Variants in ATP2B2 observed in about 807,000 individuals in gnomAD.
ATP2B2 encodes plasma membrane calcium-transporting ATPase 2.
A neutral mutation model predicts 120.0 loss-of-function variants in ATP2B2; 15 were observed. The ratio of observed to expected loss-of-function variants is 0.12; its 90% confidence interval spans 0.08 to 0.19. ATP2B2 has a LOEUF of 0.19. ATP2B2 is among the 10% of genes least tolerant of loss of function. The pLI, the probability that ATP2B2 is intolerant of heterozygous loss-of-function variation, is 1.00. For synonymous variants in ATP2B2, 694 were observed against 700.3 expected, an observed-to-expected ratio of 0.99 and a Z score of 0.14; for missense variants, 1,045 against 1,719.8, an observed-to-expected ratio of 0.61 and a Z score of 6.94.
intron 1 of ATP2B2, among the ~76,000 whole-genome samples, chr3:10,478,907 T>C (rs1184135404): frequency 6.6e-6 from 1 of 152,152 alleles, no homozygotes; most frequent in African/African-American, 2.4e-5. Flanking sequence ...TCCATGCTAT[T>C]CTCATGATAG....
chr3:10,350,537 G>T lies in ATP2B2; in HGVS notation c.2177C>A (p.Thr726Lys), dbSNP rs748582045. Residue 726 changes from threonine to lysine, a missense_variant, in exon 15 of 23, where the codon ACG becomes AAG. Transcript: ENST00000360273. ...ATTGTCGCCAGTGACCATGCGGACC[G>T]TGATGCCTGCCCGCTGGCACTTGCG... ...AIRKCQRAGI[T>K]VRMVTGDNIN... 1 of 1,613,968 alleles carries T rather than the reference G, an allele frequency of 6.2e-7. No individual in the cohort carries two copies. The highest frequency in any genetic ancestry group is 8.5e-7 in the Non-Finnish European group (1 of 1,180,036).
At chr3:10,496,850 A>G (rs2066171695) in intron 1 of ATP2B2, among the ~76,000 whole-genome samples, 1 of 149,834 alleles carries the variant, frequency 6.7e-6, no homozygotes, top group Non-Finnish European at 1.5e-5. Context: ...AGTGCTTGTC[A>G]TGGCTGGCTG....
intron 2 of ATP2B2, among the ~76,000 whole-genome samples, chr3:10,419,998 G>A (rs555546062): frequency 3.3e-4 from 51 of 152,328 alleles, no homozygotes; most frequent in South Asian, 1.7e-3. Flanking sequence ...GCCCTGCTTC[G>A]TATATTTAAA....
At chr3:10,496,829 A>G (rs551668524) in intron 1 of ATP2B2, among the ~76,000 whole-genome samples, 1 of 152,174 alleles carries the variant, frequency 6.6e-6, no homozygotes, top group South Asian at 2.1e-4. Context: ...GACTTGTCCA[A>G]GGTCACTTGA....
At chr3:10,552,826 G>T (rs2067698070) in intron 2 of ATP2B2, among the ~76,000 whole-genome samples, 1 of 152,264 alleles carries the variant, frequency 6.6e-6, no homozygotes, top group East Asian at 1.9e-4. Flanking sequence ...AAGTGCAACT[G>T]CTGAGGCCAC....
chr3:10,360,030 C>T lies in ATP2B2; in HGVS notation c.1753G>A (p.Glu585Lys), dbSNP rs764853768. 1.6e-5 allele frequency: 26 copies of T among 1,614,098 alleles called. No homozygotes were observed. In the East Asian group the frequency reaches 3.8e-4, roughly 24 times the overall value. Residue 585 changes from glutamate (E) to lysine (K), a missense_variant, in exon 13 of 23, where the codon GAG (glutamate) becomes AAG (lysine). Glu to Lys is a moderately conservative substitution (Grantham distance 56). Around this residue, in one of 11 missense-constraint regions of ATP2B2, gnomAD observed 343 missense variants for 536.8 expected, o/e 0.64. Coordinates refer to ENST00000360273, the MANE Select transcript of ATP2B2 (RefSeq NM_001001331.4). Reference protein sequence around the residue: ...GFVLDLKQDYEPVRSQMPEEK... With the variant: ...GFVLDLKQDYKPVRSQMPEEK... ...TCTGGCATCTGGCTGCGCACGGGCT[C>T]GTAGTCCTGCTTCAGGTCCAGCACG...
intron 1 of ATP2B2, among the ~76,000 whole-genome samples, chr3:10,471,424 G>C (rs762021930): frequency 6.6e-6 from 1 of 151,914 alleles, no homozygotes; most frequent in Non-Finnish European, 1.5e-5. Context: ...GTGTGCGTGC[G>C]TGTGCATGTG....
intron 1 of ATP2B2, among the ~76,000 whole-genome samples, chr3:10,696,686 C>T (rs1433658763): frequency 6.6e-6 from 1 of 152,204 alleles, no homozygotes; most frequent in East Asian, 1.9e-4. Context: ...TTGCAGCTCC[C>T]CCTTTCCACC....
chr3:10,475,981 G>A (rs2065188579), intron 1 of ATP2B2, among the ~76,000 whole-genome samples: 1 of 152,220 alleles, frequency 6.6e-6, no homozygotes, highest in African/African-American at 2.4e-5. Context: ...GATCAGCCAG[G>A]TGTAGGGAGA....
chr3:10,405,726 C>T (rs939487946), intron 3 of ATP2B2, among the ~76,000 whole-genome samples: 1 of 152,172 alleles, frequency 6.6e-6, no homozygotes, highest in African/African-American at 2.4e-5. Flanking sequence ...TCCGCTTGGC[C>T]TCTTCGGGCC....
At chr3:10,437,477 G>A (rs1240089312) in intron 2 of ATP2B2, among the ~76,000 whole-genome samples, 1 of 152,196 alleles carries the variant, frequency 6.6e-6, no homozygotes, top group East Asian at 1.9e-4. Context: ...TCAGACCCAG[G>A]ATGTCTGCCT....
intron 1 of ATP2B2, among the ~76,000 whole-genome samples, chr3:10,640,633 A>T (rs2070145867): frequency 6.6e-6 from 1 of 152,174 alleles, no homozygotes; most frequent in South Asian, 2.1e-4. Flanking sequence ...AAGCTTCTGG[A>T]GGAGGAGGGC....
intron 1 of ATP2B2, among the ~76,000 whole-genome samples, chr3:10,644,136 G>T (rs544176398): frequency 2.0e-5 from 3 of 152,102 alleles, no homozygotes; most frequent in Admixed American, 2.0e-4. Context: ...ACATTTCCCC[G>T]AAGAATATAT....
intron 12 of ATP2B2, among the ~76,000 whole-genome samples, chr3:10,366,881 A>C (rs2061075606): frequency 1.3e-5 from 2 of 152,250 alleles, no homozygotes; most frequent in Admixed American, 6.5e-5. Flanking sequence ...TTTCTGACTA[A>C]AAGATGATTC....
chr3:10,628,124 A>G (rs2069758210), intron 1 of ATP2B2, among the ~76,000 whole-genome samples: 1 of 152,348 alleles, frequency 6.6e-6, no homozygotes, highest in East Asian at 1.9e-4. Context: ...GGGGACCTGC[A>G]TGGCCTCACA....
chr3:10,563,398 G>A (rs2125533343), intron 2 of ATP2B2, among the ~76,000 whole-genome samples: 1 of 152,332 alleles, frequency 6.6e-6, no homozygotes, highest in Non-Finnish European at 1.5e-5. Context: ...ATCCAATTAG[G>A]CCACAACAAA....
At chr3:10,574,279 G>A (rs75932913) in intron 2 of ATP2B2, among the ~76,000 whole-genome samples, 2 of 152,234 alleles carry the variant, frequency 1.3e-5, no homozygotes, top group African/African-American at 4.8e-5. Context: ...TGTGAGCTCT[G>A]TGGGGTAAGG....
At chr3:10,623,639 G>A (rs1019002430) in intron 1 of ATP2B2, among the ~76,000 whole-genome samples, 1 of 152,192 alleles carries the variant, frequency 6.6e-6, no homozygotes, top group Non-Finnish European at 1.5e-5. Flanking sequence ...GCATCCTGAA[G>A]GTCTCTCTAG....
At chr3:10,646,935 A>T (rs1361841985) in intron 1 of ATP2B2, among the ~76,000 whole-genome samples, 6 of 152,214 alleles carry the variant, frequency 3.9e-5, no homozygotes, top group Admixed American at 3.3e-4. Flanking sequence ...ATACAAGGCA[A>T]GAAGCGCCCT....
Sources: gnomAD v4.1 joint callset for allele counts (sites outside exome capture counted in the v4.1 genomes callset) on GRCh38, gnomAD v4.1.1 for gene constraint, gnomAD v4.1.1 regional missense constraint, MANE v1.5 for transcripts, NCBI Gene and HGNC (gene_info 2026-07-23, HGNC 2026-07-21) for gene names.